The following TUBGCP4 variants were observed in gnomAD, a reference collection of about 807,000 sequenced individuals.
TUBGCP4 encodes gamma-tubulin complex component 4.
TUBGCP4 carries 54 observed loss-of-function variants against 91.6 expected under a neutral mutation model. That is an observed-to-expected ratio of 0.59 (90% CI 0.47 to 0.74). The LOEUF (loss-of-function observed/expected upper bound fraction) is 0.74. Ranked by LOEUF, TUBGCP4 falls within the 30% of genes least tolerant of loss-of-function variation. The pLI, the probability that TUBGCP4 is intolerant of heterozygous loss-of-function variation, is 0.00. For synonymous variants in TUBGCP4, 297 were observed against 302.8 expected (o/e 0.98, Z 0.20); for missense variants, 593 against 800.9 (o/e 0.74, Z 3.13).
At chr15:43,377,583 G>T (rs1243342258) in intron 4 of TUBGCP4, 6 of 379,152 alleles carry the variant, frequency 1.6e-5, no homozygotes, top group Non-Finnish European at 2.7e-5. Context: ...CTATACTCCA[G>T]CCTGGGTGAC....
In TUBGCP4 at chr15:43,403,710, G is replaced by GA; in HGVS notation, c.1760dup (p.Asp587GlufsTer19). ...GTTTCACTGCCTGAATGAAATCCTA[G>GA]ATCTCTGTCACAGTTTTTGTTCGCT... On this transcript the variant is annotated frameshift_variant, in exon 16 of 18. Coordinates refer to ENST00000564079, the MANE Select transcript of TUBGCP4 (RefSeq NM_014444.5). LOFTEE classifies it high-confidence loss of function. 1 of 1,613,060 alleles carries GA rather than the reference G, an allele frequency of 6.2e-7. No individual in the cohort carries two copies. Among genetic ancestry groups the GA allele is most frequent in the Non-Finnish European group, 8.5e-7 (1 of 1,179,916 alleles).
In TUBGCP4 at chr15:43,395,171, T is replaced by C; in HGVS notation, c.1065+14T>C. ...GGTCAGCTGAAGGTAATGGCTTAGC[T>C]GTTGTAATTCTTACGGTGATGCTGG... On this transcript the variant is annotated intron_variant, in intron 10 of 17. Coordinates refer to ENST00000564079, the MANE Select transcript of TUBGCP4 (RefSeq NM_014444.5). The C allele has an allele frequency of 6.2e-7, 1 of 1,613,904 alleles. No individual in the cohort carries two copies. The highest frequency in any genetic ancestry group is 8.5e-7 in the Non-Finnish European group (1 of 1,179,786).
intron 15 of TUBGCP4, chr15:43,403,391 C>A: frequency 4.1e-6 from 1 of 242,968 alleles, no homozygotes; most frequent in Non-Finnish European, 8.0e-6. Flanking sequence ...AGCTCAGAGG[C>A]AGGAAGACAC....
chr15:43,382,960 T>G (rs949203193), intron 6 of TUBGCP4, among the ~76,000 whole-genome samples: 1 of 152,160 alleles, frequency 6.6e-6, no homozygotes, highest in Non-Finnish European at 1.5e-5. Context: ...GAGACTCCAT[T>G]AAGTCGATTT....
rs2044756546 is a variant in TUBGCP4 at position 43,403,736 on chromosome 15, G to T, written c.1785G>T (p.Leu595=). 1 of 1,613,436 alleles carries T rather than the reference G, an allele frequency of 6.2e-7. No homozygotes were observed. The highest frequency in any genetic ancestry group is 8.5e-7 in the Non-Finnish European group (1 of 1,179,954). ...ATCTCTGTCACAGTTTTTGTTCGCT[G>T]GTCAGTCAGAACCTAGGCCCACTGG... ...ILDLCHSFCS[L]VSQNLGPLDE... is the part of the protein sequence containing the mutation. The change falls in exon 16 of 18, where the codon CTG becomes CTT. Residue 595 remains leucine, a synonymous_variant. Coordinates refer to ENST00000564079, the MANE Select transcript of TUBGCP4 (RefSeq NM_014444.5).
intron 17 of TUBGCP4, 72 bp downstream of exon 17, chr15:43,404,624 C>T (rs1450437120): frequency 6.5e-7 from 1 of 1,528,636 alleles, no homozygotes; most frequent in East Asian, 2.3e-5. Flanking sequence ...AATTCTAGAA[C>T]TGGAAGAAGA....
Position 43,409,748 on chromosome 15 carries a change from T to TAAAA in TUBGCP4, c.*4542_*4545dup. ...GGAGGAATTTCCAAAAATTCTATAT[T>TAAAA]AAAAAAAAAAACCAAGATAATAATT... is the stretch of plus-strand genomic sequence containing the variant. On this transcript the variant is annotated 3_prime_UTR_variant, in exon 18 of 18. Transcript: ENST00000564079. The TAAAA allele has an allele frequency of 8.2e-7, 1 of 1,223,392 alleles. No homozygotes were observed. The highest frequency in any genetic ancestry group is 1.1e-6 in the Non-Finnish European group (1 of 891,378). 75.8% of individuals were successfully genotyped at this position (1,223,392 alleles called of 1,614,324 possible).
At position 43,405,320 on chromosome 15, in the gene TUBGCP4, G is replaced by C; in HGVS notation, c.*106G>C. The C allele has an allele frequency of 4.6e-6, 6 of 1,292,700 alleles. No individual in the cohort carries two copies. Among genetic ancestry groups the C allele is most frequent in the Non-Finnish European group, 6.7e-6 (6 of 897,282 alleles). The allele number at this position is 1,292,700 out of a possible 1,614,324, so 80.1% of individuals were successfully genotyped here. On this transcript the variant is annotated 3_prime_UTR_variant, in exon 18 of 18. Coordinates refer to ENST00000564079, the MANE Select transcript of TUBGCP4 (RefSeq NM_014444.5). Reference sequence around the variant, plus strand: ...CACACAAATAAATATCTGCGGCTTAGTGATAGGACTCTACCTTTTCTCCTA... The same window carrying C: ...CACACAAATAAATATCTGCGGCTTACTGATAGGACTCTACCTTTTCTCCTA...
Position 43,409,384 on chromosome 15 carries a change from G to T in TUBGCP4, c.*4170G>T, listed in dbSNP as rs1263538547. ...CTAAAAATCAGCAACCCTAATAGGGGTTTCTACTACTAAACATAAACATCA... is the reference window on the plus strand; with the variant it reads ...CTAAAAATCAGCAACCCTAATAGGGTTTTCTACTACTAAACATAAACATCA... On this transcript the variant is annotated 3_prime_UTR_variant, in exon 18 of 18. Transcript: ENST00000564079. 1 of 557,272 alleles carries T rather than the reference G, an allele frequency of 1.8e-6. No homozygotes were observed. The highest frequency in any genetic ancestry group is 3.2e-6 in the Non-Finnish European group (1 of 314,428). 34.5% of individuals were successfully genotyped at this position (557,272 alleles called of 1,614,324 possible).
At chr15:43,372,054 C>T (rs75628701) in intron 1 of TUBGCP4, among the ~76,000 whole-genome samples, 1,540 of 152,242 alleles carry the variant, frequency 0.01, 27 homozygotes, top group African/African-American at 0.035. Context: ...GGGGTCATAG[C>T]TAGTAATTAA....
At position 43,383,535 on chromosome 15, in the gene TUBGCP4, C is replaced by A. The variant is rs762798387; in HGVS notation, c.723+31C>A. 5 of 1,543,100 alleles carry A rather than the reference C, an allele frequency of 3.2e-6. No individual in the cohort carries two copies. In the Admixed American group the frequency reaches 9.8e-5, roughly 30 times the overall value. ...AGCCCAAAAAGTAGCCTAGCACTCT[C>A]CTGCCAGGAGTCAGAAAAGCATGCA... On this transcript the variant is annotated intron_variant, in intron 7 of 17. Transcript: ENST00000564079.
At chr15:43,404,076 CCTT>C (rs890309973) in intron 16 of TUBGCP4, 7 of 524,700 alleles carry the variant, frequency 1.3e-5, no homozygotes, top group East Asian at 3.1e-5. Context: ...CCTCCCCCCT[CCTT>C]ACTTCCTTGA....
Position 43,377,916 on chromosome 15 carries a change from C to T in TUBGCP4, c.441+13C>T. 1 of 1,589,010 alleles carries T rather than the reference C, an allele frequency of 6.3e-7. No homozygotes were observed. Among genetic ancestry groups the T allele is most frequent in the South Asian group, 1.2e-5 (1 of 85,970 alleles). ...TAAAAGTCAAAAGGTGAGAACTTTC[C>T]TTATTCCTTTTGCTTTGCTAAGCAC... On this transcript the variant is annotated intron_variant, in intron 5 of 17. Coordinates refer to ENST00000564079, the MANE Select transcript of TUBGCP4 (RefSeq NM_014444.5).
chr15:43,398,404 T>C (rs950474806), intron 13 of TUBGCP4: 1 of 388,194 alleles, frequency 2.6e-6, no homozygotes, highest in Non-Finnish European at 4.5e-6. Context: ...AAAAAATTAA[T>C]GGGAGCAAGA....
In TUBGCP4 at chr15:43,398,405, G is replaced by A. The variant is rs983190029; in HGVS notation, c.1418+226G>A. The A allele has an allele frequency of 1.9e-5, 7 of 378,268 alleles. 1 individual carries two copies. In the South Asian group the frequency reaches 5.1e-4, roughly 27 times the overall value. 23.4% of individuals were successfully genotyped at this position (378,268 alleles called of 1,614,324 possible). A position where few individuals can be genotyped will look rare whatever the true frequency, so the allele number is the denominator to read the frequency against. On this transcript the variant is annotated intron_variant, in intron 13 of 17. Transcript: ENST00000564079. ...CATAAAAAAAAAAAAAAAAATTAAT[G>A]GGAGCAAGAGAGCCACCCAACTAGT...
At chr15:43,371,511 G>A in intron 1 of TUBGCP4, 79 bp downstream of exon 1, 1 of 1,442,944 alleles carries the variant, frequency 6.9e-7, no homozygotes, top group South Asian at 1.2e-5. Flanking sequence ...AGTAGGCTGA[G>A]GGACCTAGCG....
chr15:43,402,836 G>C (rs77187790), intron 15 of TUBGCP4: 1 of 152,238 alleles, frequency 6.6e-6, no homozygotes, highest in Non-Finnish European at 1.5e-5. Flanking sequence ...TCTGACATGA[G>C]CTGGTTGTTA....
At chr15:43,372,498 T>C (rs768231170) in intron 1 of TUBGCP4, among the ~76,000 whole-genome samples, 5 of 152,140 alleles carry the variant, frequency 3.3e-5, no homozygotes, top group Non-Finnish European at 7.4e-5. Flanking sequence ...ACTAATTCGA[T>C]GTTTCACTTT....
In TUBGCP4 at chr15:43,407,854, T is replaced by C. The variant is rs2044965205; in HGVS notation, c.*2640T>C. Reference sequence around the variant, plus strand: ...AGAAACATGGATACGGTCAACCTATTAGGCCTGAGCCTTGGACCACAAGGC... The same window carrying C: ...AGAAACATGGATACGGTCAACCTATCAGGCCTGAGCCTTGGACCACAAGGC... On this transcript the variant is annotated 3_prime_UTR_variant, in exon 18 of 18. Transcript: ENST00000564079. 1 of 1,333,008 alleles carries C rather than the reference T, an allele frequency of 7.5e-7. No homozygotes were observed. The highest frequency in any genetic ancestry group is 2.2e-5 in the Admixed American group (1 of 44,986). The allele number at this position is 1,333,008 out of a possible 1,614,324, so 82.6% of individuals were successfully genotyped here. A position where few individuals can be genotyped will look rare whatever the true frequency, so the allele number is the denominator to read the frequency against.
Sources: allele counts gnomAD v4.1 joint callset (sites outside exome capture counted in the v4.1 genomes callset), GRCh38; gene constraint gnomAD v4.1.1; transcripts MANE v1.5; gene names NCBI Gene and HGNC (gene_info 2026-07-23, HGNC 2026-07-21).